GALNTL6: variants seen among roughly 807,000 people sequenced by gnomAD.
GALNTL6 encodes polypeptide N-acetylgalactosaminyltransferase like 6.
GALNTL6 carries 46 observed loss-of-function variants against 73.7 expected under a neutral mutation model. That is an observed-to-expected ratio of 0.62 (90% confidence interval 0.49 to 0.80). The LOEUF (loss-of-function observed/expected upper bound fraction) is 0.80. Among genes scored for constraint, GALNTL6 ranks in the 30% least tolerant of loss-of-function variants. The probability of loss-of-function intolerance (pLI) is 0.00; values close to 1 mark genes in which losing one functional copy is unlikely to be tolerated. For synonymous variants in GALNTL6, 259 were observed against 263.7 expected (o/e 0.98, Z 0.17); for missense variants, 604 against 755.0 (o/e 0.80, Z 2.34).
chr4:171,814,835 CTGAT>C, intron 2 of GALNTL6, 117 bp downstream of exon 2: 2 of 972,428 alleles, frequency 2.1e-6, no homozygotes, highest in South Asian at 2.9e-5. Flanking sequence ...CTTGACAGAG[CTGAT>C]TATTACAAGA....
chr4:172,040,444 A>T (rs1742052271), intron 2 of GALNTL6, among the ~76,000 whole-genome samples: 1 of 151,866 alleles, frequency 6.6e-6, no homozygotes, highest in Non-Finnish European at 1.5e-5. Flanking sequence ...CATTTTTCAT[A>T]GCATATGTTC....
intron 5 of GALNTL6, among the ~76,000 whole-genome samples, chr4:172,651,886 C>T (rs1740490717): frequency 6.6e-6 from 1 of 152,138 alleles, no homozygotes; most frequent in African/African-American, 2.4e-5. Context: ...AGAGTGCTCA[C>T]ACCAATCTGC....
At chr4:171,966,250 A>G (rs531295786) in intron 2 of GALNTL6, among the ~76,000 whole-genome samples, 1 of 152,302 alleles carries the variant, frequency 6.6e-6, no homozygotes, top group South Asian at 2.1e-4. Flanking sequence ...ATAGCTGAAT[A>G]GGTTTCTAAG....
chr4:172,065,617 G>A (rs1731334820), intron 2 of GALNTL6, among the ~76,000 whole-genome samples: 1 of 152,024 alleles, frequency 6.6e-6, no homozygotes, highest in African/African-American at 2.4e-5. Context: ...AAATTAAGAG[G>A]AGGGTACAGA....
At chr4:172,295,716 C>G (rs1182053206) in intron 3 of GALNTL6, among the ~76,000 whole-genome samples, 1 of 151,380 alleles carries the variant, frequency 6.6e-6, no homozygotes, top group Non-Finnish European at 1.5e-5. Flanking sequence ...ATATACAACA[C>G]TCCCCCTCTA....
intron 8 of GALNTL6, among the ~76,000 whole-genome samples, chr4:172,914,419 G>A (rs927173620): frequency 2.0e-5 from 3 of 152,156 alleles, no homozygotes; most frequent in African/African-American, 4.8e-5. Context: ...AAATGTAAAT[G>A]GGCTACATGC....
chr4:171,844,347 A>G (rs1994307), intron 2 of GALNTL6, among the ~76,000 whole-genome samples: 77,606 of 151,744 alleles, frequency 0.51, 22,752 homozygotes, highest in Non-Finnish European at 0.65. Flanking sequence ...TTTTTTTTCT[A>G]GATAAGTGAG....
intron 5 of GALNTL6, among the ~76,000 whole-genome samples, chr4:172,647,462 G>T (rs537047659): frequency 2.0e-5 from 3 of 152,078 alleles, no homozygotes; most frequent in South Asian, 2.1e-4. Flanking sequence ...TAAGAGTAAA[G>T]GTACATAAAC....
At chr4:172,095,720 T>C (rs189722380) in intron 2 of GALNTL6, among the ~76,000 whole-genome samples, 2 of 152,278 alleles carry the variant, frequency 1.3e-5, no homozygotes, top group Non-Finnish European at 2.9e-5. Flanking sequence ...AAAGGGCTTA[T>C]TGCAATCACT....
chr4:171,970,734 G>A (rs970778465), intron 2 of GALNTL6, among the ~76,000 whole-genome samples: 1 of 152,070 alleles, frequency 6.6e-6, no homozygotes, highest in African/African-American at 2.4e-5. Flanking sequence ...TTCTAGAAAT[G>A]AGCACAAAAT....
At chr4:172,717,660 A>C (rs1445630864) in intron 5 of GALNTL6, among the ~76,000 whole-genome samples, 1 of 152,232 alleles carries the variant, frequency 6.6e-6, no homozygotes, top group South Asian at 2.1e-4. Context: ...CAACACACAG[A>C]TATTGGAAGA....
intron 11 of GALNTL6, among the ~76,000 whole-genome samples, chr4:173,012,780 G>A (rs1752611509): frequency 6.6e-6 from 1 of 152,090 alleles, no homozygotes; most frequent in African/African-American, 2.4e-5. Context: ...AAGGCAGCTG[G>A]GACTTTGGCT....
chr4:172,632,265 C>G (rs1739428439), intron 5 of GALNTL6, among the ~76,000 whole-genome samples: 1 of 152,196 alleles, frequency 6.6e-6, no homozygotes, highest in African/African-American at 2.4e-5. Flanking sequence ...AACTGGGTAA[C>G]AGGCAGAGGC....
At chr4:172,470,510 G>A (rs1406717452) in intron 5 of GALNTL6, among the ~76,000 whole-genome samples, 1 of 151,994 alleles carries the variant, frequency 6.6e-6, no homozygotes, top group South Asian at 2.1e-4. Flanking sequence ...ATAATAAAAA[G>A]GACTTCCAAA....
intron 5 of GALNTL6, among the ~76,000 whole-genome samples, chr4:172,413,553 ACTG>A (rs1744518574): frequency 1.3e-5 from 2 of 152,222 alleles, no homozygotes; most frequent in Non-Finnish European, 2.9e-5. Context: ...GGCAGCATGA[ACTG>A]AGATTAGGCA....
At chr4:172,075,195 T>G (rs954299624) in intron 2 of GALNTL6, among the ~76,000 whole-genome samples, 1 of 152,194 alleles carries the variant, frequency 6.6e-6, no homozygotes, top group African/African-American at 2.4e-5. Context: ...GGGCAAAATT[T>G]CAAATAATGT....
rs1734450223 is a variant in GALNTL6 at position 171,813,937 on chromosome 4, C to T, written c.-223C>T. The stretch of plus-strand genomic sequence containing the variant: ...CTGCCCGGATCCCGAGTCCCTGGAT[C>T]CCGGTGGAGCCCGCCGGCAAGCTGG... On this transcript the variant is annotated 5_prime_UTR_variant, in exon 1 of 13. Coordinates refer to ENST00000506823, the MANE Select transcript of GALNTL6 (RefSeq NM_001034845.3). This position sits in a 1 kb window ranked among gnomAD's most constrained non-coding sequence, Gnocchi z 5.2. 1 of 152,418 alleles carries T rather than the reference C, an allele frequency of 6.6e-6. No homozygotes were observed. Among genetic ancestry groups the T allele is most frequent in the Non-Finnish European group, 1.5e-5 (1 of 68,238 alleles). 9.4% of individuals were successfully genotyped at this position (152,418 alleles called of 1,614,324 possible). A position where few individuals can be genotyped will look rare whatever the true frequency, so the allele number is the denominator to read the frequency against.
chr4:171,936,556 T>C (rs937000809), intron 2 of GALNTL6, among the ~76,000 whole-genome samples: 5 of 152,172 alleles, frequency 3.3e-5, no homozygotes, highest in African/African-American at 9.6e-5. Flanking sequence ...TATTCTCAGA[T>C]ACAGTAATAA....
chr4:172,773,924 G>A (rs7378135), intron 5 of GALNTL6, among the ~76,000 whole-genome samples: 78,843 of 151,820 alleles, frequency 0.52, 21,320 homozygotes, highest in East Asian at 0.78. Flanking sequence ...GAAGCTTCCT[G>A]TACAAGTAAG....
Sources: gnomAD v4.1 joint callset for allele counts (sites outside exome capture counted in the v4.1 genomes callset) on GRCh38, gnomAD v4.1.1 for gene constraint, Gnocchi (gnomAD v3.1) non-coding constraint, MANE v1.5 for transcripts, NCBI Gene and HGNC (gene_info 2026-07-23, HGNC 2026-07-21) for gene names.